The following CDH12 variants were observed in gnomAD, a reference collection of about 807,000 sequenced individuals.
CDH12 encodes the protein cadherin-12.
A neutral mutation model predicts 74.1 loss-of-function variants in CDH12; 41 were observed. That is an observed-to-expected ratio of 0.55 (90% CI 0.43 to 0.72). The LOEUF is 0.72. CDH12 is among the 30% of genes least tolerant of loss of function. The probability of loss-of-function intolerance (pLI) is 0.00; values close to 1 mark genes in which losing one functional copy is unlikely to be tolerated. For missense variants in CDH12, 945 were observed against 977.2 expected, an observed-to-expected ratio of 0.97 and a Z score of 0.44; for synonymous variants, 399 against 355.0, an observed-to-expected ratio of 1.12 and a Z score of -1.39.
At chr5:22,484,406 G>A (rs1434808425) in intron 2 of CDH12, among the ~76,000 whole-genome samples, 3 of 152,040 alleles carry the variant, frequency 2.0e-5, no homozygotes, top group African/African-American at 4.8e-5. Context: ...AGACATACTT[G>A]GATCTGAACT....
Position 21,975,174 on chromosome 5 carries a change from A to T in CDH12, c.443T>A (p.Ile148Asn), listed in dbSNP as rs1160638614. Residue 148 changes from isoleucine to asparagine, a missense_variant, in exon 6 of 15, where the codon ATC becomes AAC. Coordinates refer to ENST00000382254, the MANE Select transcript of CDH12 (RefSeq NM_004061.5). The stretch of plus-strand genomic sequence containing the variant: ...ATTATCATTAATATCCTGCACTTTG[A>T]TGATGAATTCTGATTCAGGCTCCAG... ...KPLEPESEFIIKVQDINDNEP... is the reference protein window; with the variant it reads ...KPLEPESEFINKVQDINDNEP... 1 of 1,596,876 alleles carries T rather than the reference A, an allele frequency of 6.3e-7. No homozygotes were observed. Among genetic ancestry groups the T allele is most frequent in the Admixed American group, 1.7e-5 (1 of 59,972 alleles).
intron 1 of CDH12, among the ~76,000 whole-genome samples, chr5:22,739,896 C>T (rs1340248915): frequency 6.6e-6 from 1 of 151,972 alleles, no homozygotes; most frequent in African/African-American, 2.4e-5. Flanking sequence ...CATTAGCTTC[C>T]AGGTATATAA....
intron 1 of CDH12, among the ~76,000 whole-genome samples, chr5:22,801,094 G>A (rs886172910): frequency 3.3e-5 from 5 of 152,148 alleles, no homozygotes; most frequent in Admixed American, 2.6e-4. Flanking sequence ...GTAAGAGTAA[G>A]TTTAGTTTTT....
intron 3 of CDH12, among the ~76,000 whole-genome samples, chr5:22,228,808 T>A (rs928931001): frequency 6.6e-6 from 1 of 152,048 alleles, no homozygotes. Flanking sequence ...CTAAAAAAAA[T>A]TTATTCTTTC....
chr5:22,475,087 C>A (rs933225041), intron 2 of CDH12, among the ~76,000 whole-genome samples: 2 of 150,242 alleles, frequency 1.3e-5, no homozygotes, highest in African/African-American at 2.5e-5. Flanking sequence ...GTCTTGAATT[C>A]TGGAACTCAT....
At chr5:22,456,828 T>C (rs538727428) in intron 2 of CDH12, among the ~76,000 whole-genome samples, 40 of 152,190 alleles carry the variant, frequency 2.6e-4, no homozygotes, top group Non-Finnish European at 3.2e-4. Flanking sequence ...TGACTTTTGC[T>C]GGACTTAACA....
intron 12 of CDH12, among the ~76,000 whole-genome samples, chr5:21,762,962 A>T (rs1744811448): frequency 6.6e-6 from 1 of 151,346 alleles, no homozygotes; most frequent in Non-Finnish European, 1.5e-5. Context: ...ACCTCTTCAA[A>T]CTCCCAAAAC....
chr5:22,628,220 G>C (rs891929026), intron 1 of CDH12, among the ~76,000 whole-genome samples: 7 of 151,904 alleles, frequency 4.6e-5, no homozygotes, highest in African/African-American at 1.7e-4. Context: ...AGATATTCAG[G>C]ACTCAAACTC....
rs189040317 is a variant in CDH12, at chr5:22,005,045, T to C, written c.232-29660A>G. On this transcript the variant is annotated intron_variant, in intron 5 of 14. Transcript: ENST00000382254. ...TTTCTTTCTTTATTGTATTTATTTA[T>C]TTATTCATTTATTGAGACAGAGTCT... Among the ~76,000 whole-genome samples, 635 of 152,270 alleles carry C rather than the reference T, an allele frequency of 4.2e-3. 8 individuals are homozygous for C. The highest frequency in any genetic ancestry group is 0.014 in the Middle Eastern group (4 of 294).
intron 2 of CDH12, among the ~76,000 whole-genome samples, chr5:22,490,070 A>G (rs1289595184): frequency 6.6e-6 from 1 of 152,202 alleles, no homozygotes; most frequent in African/African-American, 2.4e-5. Context: ...ATAATTTTAA[A>G]TTATATGTCC....
chr5:22,673,326 TC>T (rs1741001314), intron 1 of CDH12, among the ~76,000 whole-genome samples: 1 of 152,190 alleles, frequency 6.6e-6, no homozygotes, highest in Admixed American at 6.5e-5. Flanking sequence ...CAAAGGTTCT[TC>T]CTGGAATACT....
chr5:22,137,350 A>G (rs908145850), intron 4 of CDH12, among the ~76,000 whole-genome samples: 2 of 152,058 alleles, frequency 1.3e-5, no homozygotes, highest in Non-Finnish European at 2.9e-5. Context: ...AACTATTGGC[A>G]TAATTCTACA....
intron 1 of CDH12, among the ~76,000 whole-genome samples, chr5:22,558,125 G>A (rs1179410603): frequency 1.3e-5 from 2 of 151,996 alleles, no homozygotes; most frequent in South Asian, 2.1e-4. Context: ...TTTTAAAATC[G>A]CAGCAGGAGC....
rs373880589 is a variant in CDH12 at position 21,881,783 on chromosome 5, G to T, written c.527-26993C>A. Among the ~76,000 whole-genome samples, 237 of 152,120 alleles carry T rather than the reference G, an allele frequency of 1.6e-3. 1 individual carries two copies. The highest frequency in any genetic ancestry group is 5.4e-3 in the African/African-American group (223 of 41,482). On this transcript the variant is annotated intron_variant, in intron 6 of 14. Coordinates refer to ENST00000382254, the MANE Select transcript of CDH12 (RefSeq NM_004061.5). ...CCTGAATACTTAAAAAGTATGCAAGGAATTTTCCACAGTAGCTACACTTGC... is the reference window on the plus strand; with the variant it reads ...CCTGAATACTTAAAAAGTATGCAAGTAATTTTCCACAGTAGCTACACTTGC...
chr5:21,760,596 G>T lies in CDH12; in HGVS notation c.1595C>A (p.Ala532Asp). The T allele has an allele frequency of 1.2e-6, 2 of 1,610,316 alleles. No homozygotes were observed. The highest frequency in any genetic ancestry group is 1.7e-6 in the Non-Finnish European group (2 of 1,177,022). The change falls in exon 13 of 15, where the codon GCT becomes GAT. Residue 532 changes from alanine (A) to aspartate (D), a missense_variant. Physicochemically the swap from Ala to Asp is moderately radical, Grantham distance 126 (BLOSUM62 -2). Coordinates refer to ENST00000382254, the MANE Select transcript of CDH12 (RefSeq NM_004061.5). ...QQFSFRLSPE[A>D]AIKPNFTVRD... is the part of the protein sequence containing the mutation. The stretch of plus-strand genomic sequence containing the variant: ...AACTGTAAAATTTGGTTTGATAGCA[G>T]CCTCAGGTGATAATCTAAAGGAGAA...
intron 1 of CDH12, among the ~76,000 whole-genome samples, chr5:22,799,718 T>C (rs531139880): frequency 2.6e-4 from 39 of 152,306 alleles, no homozygotes; most frequent in African/African-American, 8.7e-4. Context: ...ATTCATTTAA[T>C]GAATACTTAT....
At chr5:21,931,286 G>T (rs4526071) in intron 6 of CDH12, among the ~76,000 whole-genome samples, 2 of 152,044 alleles carry the variant, frequency 1.3e-5, no homozygotes, top group African/African-American at 4.8e-5. Context: ...AAAAAAAATA[G>T]AACATTTCCT....
At position 21,868,743 on chromosome 5, in the gene CDH12, G is replaced by C. The variant is rs183583585; in HGVS notation, c.527-13953C>G. ...CAGGCTCACAACTAAAGAGGAATTT[G>C]CTTCAGAATGGATCACGGTTTGAAT... is the stretch of plus-strand genomic sequence containing the variant. On this transcript the variant is annotated intron_variant, in intron 6 of 14. Transcript: ENST00000382254. 3.6e-3 allele frequency among the ~76,000 whole-genome samples: 554 copies of C among 152,268 alleles called. 2 individuals carry two copies. Among genetic ancestry groups the C allele is most frequent in the Middle Eastern group, 6.8e-3 (2 of 294 alleles).
chr5:21,941,865 G>C (rs1755345444), intron 6 of CDH12, among the ~76,000 whole-genome samples: 1 of 151,746 alleles, frequency 6.6e-6, no homozygotes, highest in African/African-American at 2.4e-5. Flanking sequence ...TTCTGTATAT[G>C]AAAACTGAAG....
Sources: allele counts gnomAD v4.1 joint callset (sites outside exome capture counted in the v4.1 genomes callset), GRCh38; gene constraint gnomAD v4.1.1; transcripts MANE v1.5; gene names NCBI Gene and HGNC (gene_info 2026-07-23, HGNC 2026-07-21).